The following KCNH7 variants were observed in gnomAD, a reference collection of about 807,000 sequenced individuals.
The protein encoded by KCNH7 is voltage-gated inwardly rectifying potassium channel KCNH7.
In KCNH7, 49 loss-of-function variants were observed where a neutral mutation model predicts 120.8. That is an observed-to-expected ratio of 0.41 (90% CI 0.32 to 0.51). The LOEUF (loss-of-function observed/expected upper bound fraction) is 0.51, where lower values mean the gene tolerates loss of function less well. Among genes scored for constraint, KCNH7 ranks in the 20% least tolerant of loss-of-function variants. The pLI, the probability that KCNH7 is intolerant of heterozygous loss-of-function variation, is 0.38. For synonymous variants in KCNH7, 547 were observed against 516.1 expected (o/e 1.06, Z -0.81); for missense variants, 1,097 against 1,446.6 (o/e 0.76, Z 3.92).
At chr2:162,577,232 T>C (rs922471506) in intron 2 of KCNH7, among the ~76,000 whole-genome samples, 1 of 151,832 alleles carries the variant, frequency 6.6e-6, no homozygotes, top group African/African-American at 2.4e-5. Flanking sequence ...CCCTGAAATT[T>C]CTCTCTTTAC....
At chr2:162,633,795 T>C (rs1683847947) in intron 2 of KCNH7, among the ~76,000 whole-genome samples, 1 of 152,060 alleles carries the variant, frequency 6.6e-6, no homozygotes, top group Non-Finnish European at 1.5e-5. Context: ...TTTGCTTTAA[T>C]ACTTGATAGG....
At chr2:162,627,110 T>C (rs911636530) in intron 2 of KCNH7, among the ~76,000 whole-genome samples, 1 of 152,172 alleles carries the variant, frequency 6.6e-6, no homozygotes, top group Non-Finnish European at 1.5e-5. Context: ...GAAACTGAAG[T>C]GTATCCTCTC....
chr2:162,670,338 G>A (rs10187436), intron 2 of KCNH7, among the ~76,000 whole-genome samples: 23,392 of 151,400 alleles, frequency 0.15, 5,709 homozygotes, highest in African/African-American at 0.52. Flanking sequence ...ACTGGGTGTG[G>A]TGGCGCATGC....
At chr2:162,385,090 G>A (rs1686535720) in intron 12 of KCNH7, 151 bp from the exon 13 acceptor site, 5 of 535,204 alleles carry the variant, frequency 9.3e-6, no homozygotes, top group South Asian at 3.1e-5. Flanking sequence ...TAAATTCAAG[G>A]GTTATTAGAT....
rs116220774 is a variant in KCNH7, at chr2:162,670,058, G to A, written c.308-132978C>T. On this transcript the variant is annotated intron_variant, in intron 2 of 15. Coordinates refer to ENST00000332142, the MANE Select transcript of KCNH7 (RefSeq NM_033272.4). ...GAGGTTGTAGTGAGCAGGAGATTGC[G>A]CCACTGTACTCCAGCCTGGGCGACA... Among the ~76,000 whole-genome samples the A allele has an allele frequency of 2.8e-3, 431 of 152,182 alleles. 2 individuals carry two copies. The highest frequency in any genetic ancestry group is 9.1e-3 in the African/African-American group (376 of 41,510).
At chr2:162,579,898 C>G (rs778577823) in intron 2 of KCNH7, among the ~76,000 whole-genome samples, 1 of 151,894 alleles carries the variant, frequency 6.6e-6, no homozygotes, top group Non-Finnish European at 1.5e-5. Context: ...TTCGGAAATA[C>G]TCTGCTAATT....
chr2:162,588,134 C>T (rs1036755501), intron 2 of KCNH7, among the ~76,000 whole-genome samples: 3 of 152,034 alleles, frequency 2.0e-5, no homozygotes, highest in African/African-American at 7.2e-5. Context: ...CTGCCACAAC[C>T]TACCATGAGA....
chr2:162,632,937 C>T (rs1683822039), intron 2 of KCNH7, among the ~76,000 whole-genome samples: 1 of 151,440 alleles, frequency 6.6e-6, no homozygotes, highest in South Asian at 2.1e-4. Context: ...AAATAAAATG[C>T]AAGACCCAGA....
At position 162,400,405 on chromosome 2, in the gene KCNH7, T is replaced by C. The variant is rs774626303; in HGVS notation, c.2191A>G (p.Ile731Val). The C allele has an allele frequency of 6.2e-7, 1 of 1,612,144 alleles. No homozygotes were observed. Among genetic ancestry groups the C allele is most frequent in the South Asian group, 1.1e-5 (1 of 91,052 alleles). ...AATGTCTGGTTGAGATGTAGACAAA[T>C]GTCTGCTTGTAAGCATTCTGGGAAA... ...KGFPECLQADICLHLNQTLLQ... is the reference protein window; with the variant it reads ...KGFPECLQADVCLHLNQTLLQ... The change falls in exon 10 of 16, where the codon ATT becomes GTT. Residue 731 changes from isoleucine to valine, a missense_variant. Transcript: ENST00000332142.
At chr2:162,450,882 G>C (rs1688745394) in intron 6 of KCNH7, among the ~76,000 whole-genome samples, 1 of 151,918 alleles carries the variant, frequency 6.6e-6, no homozygotes, top group Admixed American at 6.6e-5. Context: ...CCTACACTAG[G>C]AACCAGGTGG....
At chr2:162,427,308 G>T (rs1269332845) in intron 8 of KCNH7, among the ~76,000 whole-genome samples, 1 of 151,978 alleles carries the variant, frequency 6.6e-6, no homozygotes, top group Non-Finnish European at 1.5e-5. Context: ...TTTCAAAGTT[G>T]TATCATTTTA....
intron 3 of KCNH7, among the ~76,000 whole-genome samples, chr2:162,536,164 T>C (rs1409123574): frequency 6.6e-6 from 1 of 151,736 alleles, no homozygotes; most frequent in Admixed American, 6.6e-5. Flanking sequence ...TTTAGACACA[T>C]TACCAAAAAA....
intron 2 of KCNH7, among the ~76,000 whole-genome samples, chr2:162,598,360 C>T (rs1694446017): frequency 6.6e-6 from 1 of 151,914 alleles, no homozygotes; most frequent in Non-Finnish European, 1.5e-5. Context: ...AAAACCCCTT[C>T]AATTATACAG....
intron 2 of KCNH7, among the ~76,000 whole-genome samples, chr2:162,765,863 G>C (rs1457258207): frequency 6.6e-6 from 1 of 152,042 alleles, no homozygotes; most frequent in Non-Finnish European, 1.5e-5. Flanking sequence ...GGGCTCAAAT[G>C]ATCCTCCGGC....
chr2:162,483,231 AT>A (rs1262496527), intron 6 of KCNH7, among the ~76,000 whole-genome samples: 1 of 152,176 alleles, frequency 6.6e-6, no homozygotes, highest in Non-Finnish European at 1.5e-5. Context: ...CATAGAAAAT[AT>A]TTTTAAAATC....
At chr2:162,691,896 G>C (rs916157354) in intron 2 of KCNH7, among the ~76,000 whole-genome samples, 13 of 152,104 alleles carry the variant, frequency 8.5e-5, no homozygotes, top group Non-Finnish European at 1.6e-4. Flanking sequence ...CTTTGAGAAA[G>C]ACATCAAACA....
intron 7 of KCNH7, among the ~76,000 whole-genome samples, chr2:162,436,927 T>A (rs1037194991): frequency 1.3e-5 from 2 of 151,930 alleles, no homozygotes; most frequent in Non-Finnish European, 2.9e-5. Context: ...CTGGGCAATA[T>A]AGTGAGACTC....
chr2:162,585,433 G>A (rs1693994666), intron 2 of KCNH7, among the ~76,000 whole-genome samples: 1 of 152,042 alleles, frequency 6.6e-6, no homozygotes, highest in African/African-American at 2.4e-5. Flanking sequence ...TCAATAAAAT[G>A]TAATAAAATG....
chr2:162,444,192 C>T (rs188019421), intron 7 of KCNH7, among the ~76,000 whole-genome samples: 114 of 152,264 alleles, frequency 7.5e-4, no homozygotes, highest in African/African-American at 2.7e-3. Context: ...TGCCCTCTGC[C>T]ATCCCCTACC....
Sources: allele counts gnomAD v4.1 joint callset (sites outside exome capture counted in the v4.1 genomes callset), GRCh38; gene constraint gnomAD v4.1.1; transcripts MANE v1.5; gene names NCBI Gene and HGNC (gene_info 2026-07-23, HGNC 2026-07-21).